Variants in TCTN2 observed in about 807,000 individuals in gnomAD.
TCTN2 encodes tectonic-2.
In TCTN2, 66 loss-of-function variants were observed where a neutral mutation model predicts 83.4. That is an observed-to-expected ratio of 0.79 (90% CI 0.65 to 0.97). TCTN2 has a LOEUF of 0.97. Among genes scored for constraint, TCTN2 ranks in the 50% least tolerant of loss-of-function variants. The pLI, the probability that TCTN2 is intolerant of heterozygous loss-of-function variation, is 0.00. For synonymous variants in TCTN2, 301 were observed against 326.7 expected, an observed-to-expected ratio of 0.92 and a Z score of 0.85; for missense variants, 794 against 858.1, an observed-to-expected ratio of 0.93 and a Z score of 0.93.
intron 10 of TCTN2, 43 bp downstream of exon 10, chr12:123,695,019 A>T (rs1956090546): frequency 4.4e-6 from 7 of 1,597,904 alleles, no homozygotes; most frequent in Non-Finnish European, 6.0e-6. Flanking sequence ...ACTGAAAAGT[A>T]TTTTTTTTTC....
At chr12:123,691,574 A>G (rs1393767176) in intron 8 of TCTN2, among the ~76,000 whole-genome samples, 3 of 152,022 alleles carry the variant, frequency 2.0e-5, no homozygotes, top group Non-Finnish European at 4.4e-5. Flanking sequence ...GGTTGTTTTC[A>G]TCTCTGACTG....
Position 123,696,481 on chromosome 12 carries a change from A to T in TCTN2, c.1379A>T (p.His460Leu). Residue 460 changes from histidine (H) to leucine (L), a missense_variant, in exon 12 of 18, where the codon CAT becomes CTT. Physicochemically the swap from His to Leu is moderately conservative, Grantham distance 99 (BLOSUM62 -3). Transcript: ENST00000303372. ...INRMNNVTTLHLWQSAGRGLC... is the reference protein window; with the variant it reads ...INRMNNVTTLLLWQSAGRGLC... ...AGGATGAATAATGTCACGACTTTAC[A>T]TCTTTGGCAATCGGGTAATCCGGTT... 1.9e-6 allele frequency: 3 copies of T among 1,614,106 alleles called. No homozygotes were observed. Among genetic ancestry groups the T allele is most frequent in the Non-Finnish European group, 2.5e-6 (3 of 1,179,966 alleles).
rs114490301 is a variant in TCTN2, at chr12:123,676,742, A to T, written c.464-2447A>T. ...TTTTTACTCAGCCAGCCAGCGATTA[A>T]AACTAGAAAAAGAATGGAAGCACAG... On this transcript the variant is annotated intron_variant, in intron 4 of 17. Coordinates refer to ENST00000303372, the MANE Select transcript of TCTN2 (RefSeq NM_024809.5). 6.5e-3 allele frequency among the ~76,000 whole-genome samples: 986 copies of T among 152,272 alleles called. 8 individuals are homozygous for T. The highest frequency in any genetic ancestry group is 0.022 in the African/African-American group (917 of 41,542).
rs1955998154 is a variant in TCTN2 at position 123,688,178 on chromosome 12, GTAATCGTTGCAATATTAGTATGC to G, written c.891+4_891+26del. ...GAAGGCATATTTTACTATTCCGCAG[GTAATCGTTGCAATATTAGTATGC>G]TAGACCGTTCTCTTTTTTTTTTTTT... On this transcript the variant is annotated splice_donor_variant and splice_donor_5th_base_variant and intron_variant, in intron 7 of 17. Transcript: ENST00000303372. LOFTEE classifies it high-confidence loss of function. 1 of 1,610,486 alleles carries G rather than the reference GTAATCGTTGCAATATTAGTATGC, an allele frequency of 6.2e-7. No homozygotes were observed. Among genetic ancestry groups the G allele is most frequent in the East Asian group, 2.2e-5 (1 of 44,764 alleles).
chr12:123,699,127 C>T (rs1414273275), intron 13 of TCTN2, among the ~76,000 whole-genome samples: 5 of 151,774 alleles, frequency 3.3e-5, no homozygotes, highest in Non-Finnish European at 5.9e-5. Flanking sequence ...GTTTGTGAAC[C>T]ATGTGATTCC....
intron 4 of TCTN2, among the ~76,000 whole-genome samples, chr12:123,676,689 G>A (rs987227618): frequency 6.6e-6 from 1 of 151,226 alleles, no homozygotes; most frequent in African/African-American, 2.4e-5. Context: ...TGAGTTGTCA[G>A]CTCTGACCCC....
Position 123,699,749 on chromosome 12 carries a change from C to G in TCTN2, c.1551C>G (p.His517Gln). 1.9e-6 allele frequency: 3 copies of G among 1,614,200 alleles called. No individual in the cohort carries two copies. Among genetic ancestry groups the G allele is most frequent in the South Asian group, 1.1e-5 (1 of 91,090 alleles). The change falls in exon 14 of 18, where the codon CAC becomes CAG. Residue 517 changes from histidine (H) to glutamine (Q), a missense_variant. Physicochemically the swap from His to Gln is conservative, Grantham distance 24 (BLOSUM62 0). Transcript: ENST00000303372. ...ERLDSLIQAT[H>Q]VAMRGNSDYA... is the part of the protein sequence containing the mutation. ...TTGATTCATTAATACAAGCGACTCA[C>G]GTTGCAATGAGAGGCAACTCCGATT...
At chr12:123,679,888 C>T (rs1246194246) in intron 5 of TCTN2, among the ~76,000 whole-genome samples, 1 of 151,334 alleles carries the variant, frequency 6.6e-6, no homozygotes, top group Non-Finnish European at 1.5e-5. Flanking sequence ...TACAGGCGCC[C>T]ACCACCACGC....
At position 123,671,152 on chromosome 12, in the gene TCTN2, G is replaced by T; in HGVS notation, c.-89G>T. ...TCGCTTGCAAGATGGCGGCGGCGGG[G>T]CAGTGGCTGCTGCGTTTTCGTGTCT... On this transcript the variant is annotated 5_prime_UTR_variant, in exon 1 of 18. Coordinates refer to ENST00000303372, the MANE Select transcript of TCTN2 (RefSeq NM_024809.5). 1.6e-6 allele frequency: 2 copies of T among 1,266,090 alleles called. No homozygotes were observed. Among genetic ancestry groups the T allele is most frequent in the Non-Finnish European group, 1.1e-6 (1 of 896,052 alleles). 78.4% of individuals were successfully genotyped at this position (1,266,090 alleles called of 1,614,324 possible).
intron 5 of TCTN2, among the ~76,000 whole-genome samples, chr12:123,682,729 G>A (rs913063708): frequency 5.3e-5 from 8 of 151,742 alleles, no homozygotes; most frequent in Admixed American, 1.3e-4. Flanking sequence ...TGATCCGCCC[G>A]CCTCAGCCTC....
chr12:123,673,569 C>T (rs766586489), intron 3 of TCTN2, 46 bp from the exon 4 acceptor site: 3 of 1,571,980 alleles, frequency 1.9e-6, no homozygotes, highest in South Asian at 1.1e-5. Flanking sequence ...TTCTTATAGA[C>T]CCTGTTTTGA....
In TCTN2 at chr12:123,706,721, C is replaced by T. The variant is rs1230106873; in HGVS notation, c.1770-5C>T. ...TATGCTGACCATGTGATCTTTCCCT[C>T]CTAGGTTCTCCTCAGTGAACTGGCA... On this transcript the variant is annotated splice_region_variant and splice_polypyrimidine_tract_variant and intron_variant, in intron 15 of 17. Transcript: ENST00000303372. 6.2e-7 allele frequency: 1 copy of T among 1,613,826 alleles called. No individual in the cohort carries two copies. Among genetic ancestry groups the T allele is most frequent in the Non-Finnish European group, 8.5e-7 (1 of 1,179,918 alleles).
intron 14 of TCTN2, among the ~76,000 whole-genome samples, chr12:123,703,801 G>GT (rs1346811990): frequency 6.6e-6 from 1 of 152,142 alleles, no homozygotes; most frequent in African/African-American, 2.4e-5. Flanking sequence ...AAAGTTGTTA[G>GT]TATGGATTTT....
intron 12 of TCTN2, chr12:123,696,852 C>T (rs958734188): frequency 1.6e-5 from 9 of 550,626 alleles, no homozygotes; most frequent in South Asian, 4.1e-5. Context: ...GTGGTAATTA[C>T]GCACACCTGC....
At chr12:123,688,207 C>A (rs758872429) in intron 7 of TCTN2, 30 bp downstream of exon 7, 2 of 1,587,396 alleles carry the variant, frequency 1.3e-6, no homozygotes, top group African/African-American at 1.4e-5. Flanking sequence ...TATGCTAGAC[C>A]GTTCTCTTTT....
chr12:123,693,591 T>C (rs558351046), intron 9 of TCTN2, among the ~76,000 whole-genome samples: 1 of 151,344 alleles, frequency 6.6e-6, no homozygotes, highest in East Asian at 2.0e-4. Context: ...TAGCTGGGAT[T>C]ACAGGTGTTC....
intron 14 of TCTN2, among the ~76,000 whole-genome samples, chr12:123,702,054 A>T (rs1020151668): frequency 6.6e-6 from 1 of 152,276 alleles, no homozygotes; most frequent in African/African-American, 2.4e-5. Context: ...CTAGAATGAA[A>T]ACCTGGGGTT....
chr12:123,693,809 CTTTCT>C (rs1431875798), intron 9 of TCTN2, among the ~76,000 whole-genome samples: 8 of 148,278 alleles, frequency 5.4e-5, no homozygotes, highest in African/African-American at 1.7e-4. Context: ...CTGTTTGTTT[CTTTCT>C]TTTCTTTTTT....
At chr12:123,671,482 C>T (rs1263818508) in intron 1 of TCTN2, 25 bp from the exon 2 acceptor site, 2 of 1,611,908 alleles carry the variant, frequency 1.2e-6, no homozygotes, top group African/African-American at 2.7e-5. Context: ...CTAACCCCTC[C>T]TTGTCCCCTT....
Sources: allele counts gnomAD v4.1 joint callset (sites outside exome capture counted in the v4.1 genomes callset), GRCh38; gene constraint gnomAD v4.1.1; transcripts MANE v1.5; gene names NCBI Gene and HGNC (gene_info 2026-07-23, HGNC 2026-07-21).